The following FER variants were observed in gnomAD, a reference collection of about 807,000 sequenced individuals.
FER encodes the protein FER tyrosine kinase.
In FER, 63 loss-of-function variants were observed where a neutral mutation model predicts 111.0. The observed-to-expected ratio is 0.57, with a 90% CI of 0.46 to 0.70. The LOEUF is 0.70. Ranked by LOEUF, FER falls within the 30% of genes least tolerant of loss-of-function variation. The pLI is 0.00. For synonymous variants in FER, 327 were observed against 313.9 expected, an observed-to-expected ratio of 1.04 and a Z score of -0.44; for missense variants, 914 against 954.0, an observed-to-expected ratio of 0.96 and a Z score of 0.55.
Position 109,189,584 on chromosome 5 carries a change from C to T in FER, c.*2009C>T, listed in dbSNP as rs527747184. On this transcript the variant is annotated 3_prime_UTR_variant, in exon 20 of 20. Transcript: ENST00000281092. ...GTACTATGGTAAATCAAAGCGCAAA[C>T]TCAGAAGTGCTATGGTATTGAGGCA... The T allele has an allele frequency of 4.6e-5, 7 of 152,152 alleles. No homozygotes were observed. The highest frequency in any genetic ancestry group is 1.0e-4 in the Non-Finnish European group (7 of 68,028). The allele number at this position is 152,152 out of a possible 1,614,324, so 9.4% of individuals were successfully genotyped here.
intron 2 of FER, among the ~76,000 whole-genome samples, chr5:108,770,639 G>C (rs1184332220): frequency 6.6e-6 from 1 of 152,058 alleles, no homozygotes; most frequent in South Asian, 2.1e-4. Context: ...GTCTCCCAAA[G>C]TGTTGGGACT....
intron 13 of FER, among the ~76,000 whole-genome samples, chr5:109,031,756 C>A (rs1403493345): frequency 6.6e-6 from 1 of 152,158 alleles, no homozygotes; most frequent in Non-Finnish European, 1.5e-5. Flanking sequence ...TATCCATGTT[C>A]AAGACTTATC....
intron 16 of FER, among the ~76,000 whole-genome samples, chr5:109,100,067 A>G (rs1256500689): frequency 3.3e-5 from 5 of 151,790 alleles, no homozygotes; most frequent in Non-Finnish European, 5.9e-5. Flanking sequence ...AGAAAAGCAA[A>G]TTCTATAGAT....
intron 10 of FER, among the ~76,000 whole-genome samples, chr5:108,904,307 C>T (rs1750445460): frequency 6.6e-6 from 1 of 151,996 alleles, no homozygotes; most frequent in Non-Finnish European, 1.5e-5. Context: ...GCAATGAGTG[C>T]TGGGAGTTAT....
intron 13 of FER, among the ~76,000 whole-genome samples, chr5:109,024,471 A>C (rs564711429): frequency 6.6e-6 from 1 of 152,180 alleles, no homozygotes; most frequent in East Asian, 1.9e-4. Context: ...ATTCACTTCA[A>C]CTCACAGGCA....
chr5:109,079,103 T>G (rs988918270), intron 16 of FER, among the ~76,000 whole-genome samples: 8 of 151,916 alleles, frequency 5.3e-5, no homozygotes, highest in African/African-American at 9.7e-5. Context: ...GTATACATTC[T>G]CCTTGTTTAT....
Position 108,801,133 on chromosome 5 carries a change from G to T in FER, c.207+2744G>T, listed in dbSNP as rs549531569. Among the ~76,000 whole-genome samples, 21 of 152,334 alleles carry T rather than the reference G, an allele frequency of 1.4e-4. No individual in the cohort carries two copies. The East Asian group carries it at 2.3e-3, about 17-fold the overall frequency. On this transcript the variant is annotated intron_variant, in intron 3 of 19. Transcript: ENST00000281092. Reference sequence around the variant, plus strand: ...ATTTTTATAGTTTTAAGTTTTGTTTGTAGGTCTATGATTTATTTTTATTTA... The same window carrying T: ...ATTTTTATAGTTTTAAGTTTTGTTTTTAGGTCTATGATTTATTTTTATTTA...
intron 17 of FER, among the ~76,000 whole-genome samples, chr5:109,106,936 GTAGT>G (rs766326003): frequency 1.3e-5 from 2 of 152,194 alleles, no homozygotes; most frequent in East Asian, 3.8e-4. Context: ...TCAGAGGACA[GTAGT>G]TAACTATTTA....
At chr5:108,834,626 A>C (rs1313753373) in intron 4 of FER, among the ~76,000 whole-genome samples, 3 of 150,290 alleles carry the variant, frequency 2.0e-5, no homozygotes, top group Non-Finnish European at 4.4e-5. Context: ...TGAACACTGG[A>C]GGCAGAGGCT....
intron 2 of FER, among the ~76,000 whole-genome samples, chr5:108,771,955 A>C (rs1398172796): frequency 6.6e-6 from 1 of 152,170 alleles, no homozygotes; most frequent in Non-Finnish European, 1.5e-5. Context: ...ATTTATAAAC[A>C]ACAGAAATTT....
chr5:109,158,276 G>A (rs1319301909), intron 17 of FER, among the ~76,000 whole-genome samples: 1 of 151,920 alleles, frequency 6.6e-6, no homozygotes, highest in Non-Finnish European at 1.5e-5. Flanking sequence ...CCCATATACT[G>A]GGGGTCAGAA....
chr5:108,774,656 G>T (rs1753292356), intron 2 of FER, among the ~76,000 whole-genome samples: 1 of 151,722 alleles, frequency 6.6e-6, no homozygotes, highest in Non-Finnish European at 1.5e-5. Flanking sequence ...AACGATCAGT[G>T]GAGCTTTTTT....
intron 5 of FER, among the ~76,000 whole-genome samples, chr5:108,846,542 A>T (rs1301477675): frequency 6.6e-6 from 1 of 152,004 alleles, no homozygotes; most frequent in Non-Finnish European, 1.5e-5. Flanking sequence ...ATTGATAGTA[A>T]TTTGTTCATA....
intron 17 of FER, among the ~76,000 whole-genome samples, chr5:109,148,510 C>T (rs1467303045): frequency 1.3e-5 from 2 of 152,130 alleles, no homozygotes; most frequent in Admixed American, 6.6e-5. Context: ...AGTAGTCTGA[C>T]GTATCAACTC....
chr5:108,751,195 A>G (rs1750465461), intron 1 of FER, among the ~76,000 whole-genome samples: 1 of 152,178 alleles, frequency 6.6e-6, no homozygotes, highest in African/African-American at 2.4e-5. Flanking sequence ...TCCATCTCAG[A>G]AAAACAAAAA....
At chr5:109,041,319 T>C (rs1771148780) in intron 14 of FER, among the ~76,000 whole-genome samples, 1 of 152,108 alleles carries the variant, frequency 6.6e-6, no homozygotes, top group African/African-American at 2.4e-5. Flanking sequence ...GGAAGGCAGT[T>C]ATAATTATTG....
chr5:108,851,784 A>T (rs994907382), intron 5 of FER, among the ~76,000 whole-genome samples: 3 of 152,202 alleles, frequency 2.0e-5, no homozygotes, highest in Non-Finnish European at 4.4e-5. Context: ...TTGATTCTGT[A>T]TGTTTAGAAT....
At chr5:109,148,260 G>A (rs958254562) in intron 17 of FER, among the ~76,000 whole-genome samples, 4 of 152,044 alleles carry the variant, frequency 2.6e-5, no homozygotes, top group African/African-American at 9.7e-5. Flanking sequence ...GAAACTGACA[G>A]TTTAGATATA....
rs773963733 is a variant in FER, at chr5:108,927,250, C to CTTTTTT, written c.1237-18879_1237-18878insTTTTTT. On this transcript the variant is annotated intron_variant, in intron 10 of 19. Coordinates refer to ENST00000281092, the MANE Select transcript of FER (RefSeq NM_005246.4). ...CATGTAATTCAGCATTGAGAAGTGGCTCTTTTTTTTTTTTTTTTTTTGAGA... is the reference window on the plus strand; with the variant it reads ...CATGTAATTCAGCATTGAGAAGTGGCTTTTTTTCTTTTTTTTTTTTTTTTTTTGAGA... 2.9e-3 allele frequency among the ~76,000 whole-genome samples: 275 copies of CTTTTTT among 95,196 alleles called. 9 individuals are homozygous for CTTTTTT. The highest frequency in any genetic ancestry group is 3.2e-3 in the Non-Finnish European group (162 of 51,032). The allele number at this position is 95,196 out of a possible 152,430, so 62.5% of individuals were successfully genotyped here. A position where few individuals can be genotyped will look rare whatever the true frequency, so the allele number is the denominator to read the frequency against.
Sources: gnomAD v4.1 joint callset for allele counts (sites outside exome capture counted in the v4.1 genomes callset) on GRCh38, gnomAD v4.1.1 for gene constraint, MANE v1.5 for transcripts, NCBI Gene and HGNC (gene_info 2026-07-23, HGNC 2026-07-21) for gene names.